Variants in HECTD4 observed in about 807,000 individuals in gnomAD.
The protein encoded by HECTD4 is probable E3 ubiquitin-protein ligase HECTD4.
A neutral mutation model predicts 471.5 loss-of-function variants in HECTD4; 114 were observed. The observed-to-expected ratio is 0.24, with a 90% CI of 0.21 to 0.28. HECTD4 has a LOEUF of 0.28. Among genes scored for constraint, HECTD4 ranks in the 10% least tolerant of loss-of-function variants. HECTD4 has a pLI of 1.00. For missense variants in HECTD4, 3,866 were observed against 5,651.5 expected (o/e 0.68, Z 10.13); for synonymous variants, 2,012 against 2,256.0 (o/e 0.89, Z 3.07).
intron 1 of HECTD4, among the ~76,000 whole-genome samples, chr12:112,343,907 A>G (rs959686283): frequency 6.6e-6 from 1 of 152,234 alleles, no homozygotes; most frequent in African/African-American, 2.4e-5. Flanking sequence ...ATATTGAGTG[A>G]AAAAAACAAG....
Position 112,177,615 on chromosome 12 carries a change from TG to T in HECTD4, c.11364-914del, listed in dbSNP as rs2031501168. ...CAGGATGGTCTCGATCTCCTGACCT[TG>T]TGAACCGCCCATCTCGGCCTCCCAA... On this transcript the variant is annotated intron_variant, in intron 64 of 75. Coordinates refer to ENST00000682272, the MANE Select transcript of HECTD4 (RefSeq NM_001388303.1). 2.0e-5 allele frequency among the ~76,000 whole-genome samples: 3 copies of T among 152,254 alleles called. No homozygotes were observed. The South Asian group carries it at 6.2e-4, about 32-fold the overall frequency.
intron 25 of HECTD4, 53 bp downstream of exon 25, chr12:112,250,091 G>T: frequency 1.5e-6 from 2 of 1,296,636 alleles, no homozygotes; most frequent in Non-Finnish European, 2.2e-6. Context: ...CATTTCAATT[G>T]TTTAAACTTT....
At chr12:112,379,712 AT>A (rs1015134462) in intron 1 of HECTD4, among the ~76,000 whole-genome samples, 1 of 142,868 alleles carries the variant, frequency 7.0e-6, no homozygotes, top group Middle Eastern at 3.5e-3. Context: ...AAATAAAAAG[AT>A]TTTTTATATA....
intron 1 of HECTD4, among the ~76,000 whole-genome samples, chr12:112,377,481 G>T (rs1375753745): frequency 6.6e-6 from 1 of 152,158 alleles, no homozygotes; most frequent in Non-Finnish European, 1.5e-5. Flanking sequence ...ATCCAGGACG[G>T]TTGGCCCAGC....
chr12:112,351,966 GGT>G (rs1183842121), intron 1 of HECTD4, among the ~76,000 whole-genome samples: 10 of 152,176 alleles, frequency 6.6e-5, no homozygotes. Flanking sequence ...TTCCTATTTT[GGT>G]GTTTTCATTC....
At chr12:112,196,277 C>T (rs1194267670) in intron 55 of HECTD4, among the ~76,000 whole-genome samples, 1 of 152,094 alleles carries the variant, frequency 6.6e-6, no homozygotes, top group Non-Finnish European at 1.5e-5. Context: ...GAAACAACCC[C>T]ATATGGAACA....
rs191858774 is a variant in HECTD4 at position 112,220,863 on chromosome 12, C to T, written c.6971-1374G>A. ...TGCATGGTGGTGCATGCCTGTAATT[C>T]CAGCACTTCGGGAGGCTGAGGCAGG... On this transcript the variant is annotated intron_variant, in intron 44 of 75. Coordinates refer to ENST00000682272, the MANE Select transcript of HECTD4 (RefSeq NM_001388303.1). Among the ~76,000 whole-genome samples the T allele has an allele frequency of 3.0e-3, 463 of 152,280 alleles. 1 individual carries two copies. Among genetic ancestry groups the T allele is most frequent in the South Asian group, 4.6e-3 (22 of 4,820 alleles).
intron 54 of HECTD4, chr12:112,201,288 C>T (rs2032419998): frequency 3.4e-6 from 1 of 291,164 alleles, no homozygotes; most frequent in African/African-American, 2.3e-5. Flanking sequence ...GGTGGGGTTT[C>T]ACCATGTTGG....
intron 1 of HECTD4, among the ~76,000 whole-genome samples, chr12:112,372,631 T>C (rs2036703727): frequency 1.3e-5 from 2 of 152,144 alleles, no homozygotes; most frequent in South Asian, 4.1e-4. Context: ...GATCTTGCTA[T>C]GTTGCCCAGG....
chr12:112,356,865 AT>A (rs2036349198), intron 1 of HECTD4, among the ~76,000 whole-genome samples: 1 of 152,246 alleles, frequency 6.6e-6, no homozygotes, highest in African/African-American at 2.4e-5. Context: ...AAAAAGAATT[AT>A]AAAAAGTTCC....
chr12:112,349,128 C>A (rs1220260608), intron 1 of HECTD4, among the ~76,000 whole-genome samples: 2 of 152,034 alleles, frequency 1.3e-5, no homozygotes, highest in African/African-American at 4.8e-5. Context: ...TGCGGTGGCT[C>A]ACGCCTGTAA....
At chr12:112,178,765 T>C (rs888159648) in intron 64 of HECTD4, among the ~76,000 whole-genome samples, 166 bp downstream of exon 64, 1 of 152,190 alleles carries the variant, frequency 6.6e-6, no homozygotes, top group Non-Finnish European at 1.5e-5. Context: ...CCGGCTGCAG[T>C]GAGCTGTGAT....
chr12:112,202,457 C>T (rs933719434), intron 54 of HECTD4, among the ~76,000 whole-genome samples: 4 of 152,100 alleles, frequency 2.6e-5, no homozygotes, highest in African/African-American at 4.8e-5. Context: ...CCACCTGCCT[C>T]GGCCTCCCAA....
chr12:112,241,313 C>G, intron 32 of HECTD4, among the ~76,000 whole-genome samples: 1 of 152,008 alleles, frequency 6.6e-6, no homozygotes, highest in Non-Finnish European at 1.5e-5. Flanking sequence ...TTCTGGGCAC[C>G]CTGTGGTTGG....
chr12:112,172,553 T>G, intron 67 of HECTD4, 118 bp downstream of exon 67: 1 of 933,678 alleles, frequency 1.1e-6, no homozygotes, highest in South Asian at 1.6e-5. Flanking sequence ...GCATAGCAGG[T>G]GTTCATAAGT....
chr12:112,332,911 T>C (rs956623090), intron 1 of HECTD4, among the ~76,000 whole-genome samples: 3 of 152,216 alleles, frequency 2.0e-5, no homozygotes, highest in Non-Finnish European at 2.9e-5. Context: ...TCTATATTTA[T>C]AGATTTGCCT....
Position 112,160,768 on chromosome 12 carries a change from G to A in HECTD4, c.*1619C>T, listed in dbSNP as rs2030660867. 1 of 148,584 alleles carries A rather than the reference G, an allele frequency of 6.7e-6. No individual in the cohort carries two copies. The highest frequency in any genetic ancestry group is 2.4e-5 in the African/African-American group (1 of 41,300). 9.2% of individuals were successfully genotyped at this position (148,584 alleles called of 1,614,324 possible). ...TTATTGTCAGGAATACATCCTGGCT[G>A]TGACCCCCCACACTCAAAGGAGCTG... is the stretch of plus-strand genomic sequence containing the variant. On this transcript the variant is annotated 3_prime_UTR_variant, in exon 76 of 76. Coordinates refer to ENST00000682272, the MANE Select transcript of HECTD4 (RefSeq NM_001388303.1).
chr12:112,366,925 T>TGTTACTA (rs1007675696), intron 1 of HECTD4, among the ~76,000 whole-genome samples: 1 of 150,218 alleles, frequency 6.7e-6, no homozygotes, highest in Admixed American at 6.6e-5. Flanking sequence ...AAAAATTGCT[T>TGTTACTA]GTTACTATTT....
Position 112,163,703 on chromosome 12 carries a change from G to T in HECTD4, c.12736C>A (p.Arg4246=). The part of the protein sequence containing the change: ...ENKDIYAAAI[R]SLRLRELQNV... ...TGCAGCTCCCGCAGCCGCAGGCTCC[G>T]GATGGCTGCCGCGTAGATGTCCTTG... is the stretch of plus-strand genomic sequence containing the variant. The change falls in exon 74 of 76, where the codon CGG becomes AGG. Residue 4246 remains arginine (R), a synonymous_variant. Coordinates refer to ENST00000682272, the MANE Select transcript of HECTD4 (RefSeq NM_001388303.1). This position sits in a 1 kb window ranked among gnomAD's most constrained non-coding sequence, Gnocchi z 8.2. 1 of 1,510,880 alleles carries T rather than the reference G, an allele frequency of 6.6e-7. No individual in the cohort carries two copies. The highest frequency in any genetic ancestry group is 8.9e-7 in the Non-Finnish European group (1 of 1,128,748). 93.6% of individuals were successfully genotyped at this position (1,510,880 alleles called of 1,614,324 possible). A position where few individuals can be genotyped will look rare whatever the true frequency, so the allele number is the denominator to read the frequency against.
Sources: allele counts gnomAD v4.1 joint callset (sites outside exome capture counted in the v4.1 genomes callset), GRCh38; gene constraint gnomAD v4.1.1; non-coding constraint Gnocchi (gnomAD v3.1); transcripts MANE v1.5; gene names NCBI Gene and HGNC (gene_info 2026-07-23, HGNC 2026-07-21).